The following PTPRD variants were observed in gnomAD, a reference collection of about 807,000 sequenced individuals.
PTPRD encodes the protein receptor-type tyrosine-protein phosphatase delta.
Under a neutral mutation model 214.5 loss-of-function variants are expected in PTPRD, and 34 were observed. The ratio of observed to expected loss-of-function variants is 0.16; its 90% CI spans 0.12 to 0.21. PTPRD has a LOEUF of 0.21. Among genes scored for constraint, PTPRD ranks in the 10% least tolerant of loss-of-function variants. The pLI is 1.00. For missense variants in PTPRD, 2,545 were observed against 2,398.7 expected (o/e 1.06, Z -1.27); for synonymous variants, 1,128 against 845.7 (o/e 1.33, Z -5.79).
chr9:8,425,656 GTTTTGTTT>G (rs750210444), intron 35 of PTPRD, among the ~76,000 whole-genome samples: 42 of 147,444 alleles, frequency 2.8e-4, no homozygotes, highest in Non-Finnish European at 5.7e-4. Flanking sequence ...ATTATTTTTT[GTTTTGTTT>G]TTTTGTTTTT....
chr9:10,367,871 T>C (rs986798344), intron 2 of PTPRD, among the ~76,000 whole-genome samples: 5 of 151,922 alleles, frequency 3.3e-5, no homozygotes, highest in African/African-American at 9.7e-5. Context: ...CTCCCATAGC[T>C]ATAAAAAAGG....
intron 5 of PTPRD, among the ~76,000 whole-genome samples, chr9:9,903,070 A>G (rs1251713680): frequency 6.6e-6 from 1 of 152,140 alleles, no homozygotes; most frequent in Non-Finnish European, 1.5e-5. Flanking sequence ...TGTGTATTTG[A>G]GCTAAAGACA....
intron 12 of PTPRD, among the ~76,000 whole-genome samples, chr9:8,672,988 C>G (rs182416383): frequency 6.6e-6 from 1 of 152,008 alleles, no homozygotes; most frequent in Admixed American, 6.6e-5. Context: ...GAATCAGAAA[C>G]CTCCTATCCA....
chr9:9,769,935 G>A (rs2098738615), intron 5 of PTPRD, among the ~76,000 whole-genome samples: 1 of 152,098 alleles, frequency 6.6e-6, no homozygotes, highest in Non-Finnish European at 1.5e-5. Context: ...CAAAGGACAT[G>A]AACTCATTCT....
chr9:8,674,334 T>G (rs1042115230), intron 12 of PTPRD, among the ~76,000 whole-genome samples: 39 of 151,886 alleles, frequency 2.6e-4, no homozygotes, highest in South Asian at 2.1e-4. Flanking sequence ...GGCACACGCC[T>G]GTAGTCCCAG....
chr9:10,195,856 G>A (rs957643611), intron 3 of PTPRD, among the ~76,000 whole-genome samples: 7 of 152,034 alleles, frequency 4.6e-5, no homozygotes, highest in African/African-American at 1.4e-4. Context: ...CTACCAACAC[G>A]GATGAATTAC....
intron 10 of PTPRD, among the ~76,000 whole-genome samples, chr9:9,088,581 G>GAAAAAAAAAA (rs533619970): frequency 0.017 from 553 of 33,024 alleles, 76 homozygotes; most frequent in African/African-American, 0.031. Context: ...CTTAGTCTCA[G>GAAAAAAAAAA]AAAAAAAAAA....
intron 3 of PTPRD, among the ~76,000 whole-genome samples, chr9:10,074,201 T>G (rs911947715): frequency 6.6e-6 from 1 of 152,122 alleles, no homozygotes; most frequent in Admixed American, 6.6e-5. Context: ...CTCCTCTCAT[T>G]GGCCTGCTTA....
chr9:8,550,241 T>A (rs2081605883), intron 14 of PTPRD, among the ~76,000 whole-genome samples: 1 of 152,178 alleles, frequency 6.6e-6, no homozygotes, highest in African/African-American at 2.4e-5. Flanking sequence ...TATTGTCATG[T>A]TCCTAAGATT....
At chr9:10,381,252 G>A (rs2097819339) in intron 2 of PTPRD, among the ~76,000 whole-genome samples, 1 of 151,794 alleles carries the variant, frequency 6.6e-6, no homozygotes, top group African/African-American at 2.4e-5. Flanking sequence ...CTTTAGTTGT[G>A]AAGTAGTTTT....
chr9:9,921,080 G>A (rs2082413751), intron 5 of PTPRD, among the ~76,000 whole-genome samples: 2 of 151,948 alleles, frequency 1.3e-5, no homozygotes, highest in African/African-American at 4.8e-5. Context: ...CAATTTCTCA[G>A]TTTATTTTTG....
At chr9:8,880,877 T>G (rs527645643) in intron 11 of PTPRD, among the ~76,000 whole-genome samples, 8 of 152,244 alleles carry the variant, frequency 5.3e-5, no homozygotes, top group Non-Finnish European at 8.8e-5. Flanking sequence ...CTCAACTTCC[T>G]GGGCTCAAGC....
intron 9 of PTPRD, among the ~76,000 whole-genome samples, chr9:9,333,504 T>TTATATATATATATATATATATA (rs3048057): frequency 7.3e-6 from 1 of 137,230 alleles, no homozygotes; most frequent in African/African-American, 2.9e-5. Flanking sequence ...ATATAGTATA[T>TTATATATATATATATATATATA]TATATATATA....
chr9:8,425,402 C>A (rs1431618575), intron 35 of PTPRD, among the ~76,000 whole-genome samples: 3 of 151,916 alleles, frequency 2.0e-5, no homozygotes, highest in Non-Finnish European at 2.9e-5. Flanking sequence ...TATGACCTTT[C>A]AAGGGTGTAA....
intron 3 of PTPRD, among the ~76,000 whole-genome samples, chr9:10,319,471 C>A (rs1481813407): frequency 6.6e-6 from 1 of 151,976 alleles, no homozygotes; most frequent in African/African-American, 2.4e-5. Flanking sequence ...TTTACAAGCT[C>A]AATTACCAAA....
At chr9:9,121,600 T>G (rs1316196220) in intron 10 of PTPRD, among the ~76,000 whole-genome samples, 1 of 152,076 alleles carries the variant, frequency 6.6e-6, no homozygotes, top group African/African-American at 2.4e-5. Context: ...ATGTTCTCAC[T>G]GATTTGTGGG....
In PTPRD at chr9:10,461,570, T is replaced by A. The variant is rs919974103; in HGVS notation, c.-599-120553A>T. Among the ~76,000 whole-genome samples the A allele has an allele frequency of 2.6e-5, 4 of 151,064 alleles. No homozygotes were observed. The South Asian group carries it at 6.3e-4, about 24-fold the overall frequency. ...CTAGAGGATACTATGCTGGATCAAA[T>A]AAGCCAGACACAGAAAAAAACATGT... On this transcript the variant is annotated intron_variant, in intron 2 of 45. Transcript: ENST00000381196.
At chr9:9,181,652 C>A (rs1301750666) in intron 10 of PTPRD, among the ~76,000 whole-genome samples, 1 of 151,906 alleles carries the variant, frequency 6.6e-6, no homozygotes, top group Admixed American at 6.6e-5. Context: ...CAAATTTGCA[C>A]AGTTTACTTA....
chr9:10,045,958 A>G (rs570183676), intron 3 of PTPRD, among the ~76,000 whole-genome samples: 2 of 151,910 alleles, frequency 1.3e-5, no homozygotes, highest in Admixed American at 6.6e-5. Flanking sequence ...CTAAATATAA[A>G]TCTATCAATG....
Sources: allele counts gnomAD v4.1 joint callset (sites outside exome capture counted in the v4.1 genomes callset), GRCh38; gene constraint gnomAD v4.1.1; transcripts MANE v1.5; gene names NCBI Gene and HGNC (gene_info 2026-07-23, HGNC 2026-07-21).